The following SCUBE1 variants were observed in gnomAD, a reference collection of about 807,000 sequenced individuals.
SCUBE1 encodes the protein signal peptide, CUB domain and EGF like domain containing 1, also known as signal peptide, CUB and EGF-like domain-containing protein 1.
SCUBE1 carries 59 observed loss-of-function variants against 124.4 expected under a neutral mutation model. The observed-to-expected ratio is 0.47, with a 90% CI of 0.38 to 0.59. SCUBE1 has a LOEUF of 0.59. SCUBE1 is among the 20% of genes least tolerant of loss of function. The pLI, the probability that SCUBE1 is intolerant of heterozygous loss-of-function variation, is 0.00. For missense variants in SCUBE1, 1,150 were observed against 1,371.2 expected, an observed-to-expected ratio of 0.84 and a Z score of 2.55; for synonymous variants, 545 against 550.9, an observed-to-expected ratio of 0.99 and a Z score of 0.15.
At chr22:43,236,671 C>A (rs1430522778) in intron 7 of SCUBE1, among the ~76,000 whole-genome samples, 1 of 152,172 alleles carries the variant, frequency 6.6e-6, no homozygotes, top group Non-Finnish European at 1.5e-5. Context: ...GAAAATGCTT[C>A]CCCTGCCCCC....
intron 6 of SCUBE1, among the ~76,000 whole-genome samples, chr22:43,246,316 C>T (rs1339836479): frequency 7.2e-5 from 11 of 152,122 alleles, no homozygotes; most frequent in Non-Finnish European, 1.5e-4. Flanking sequence ...GCATCATGGC[C>T]GTGCCCCAGG....
chr22:43,209,108 C>T (rs184619455), intron 19 of SCUBE1, among the ~76,000 whole-genome samples: 2 of 152,332 alleles, frequency 1.3e-5, no homozygotes, highest in Admixed American at 1.3e-4. Context: ...GCTGCGTCAG[C>T]CTTGCTGACA....
intron 1 of SCUBE1, among the ~76,000 whole-genome samples, chr22:43,339,696 T>C (rs1408055600): frequency 2.7e-4 from 23 of 85,066 alleles, no homozygotes; most frequent in African/African-American, 9.8e-4. Context: ...CCCACAAGCA[T>C]TGCTCCAACC....
At chr22:43,273,526 T>C (rs1924372066) in intron 4 of SCUBE1, among the ~76,000 whole-genome samples, 1 of 151,572 alleles carries the variant, frequency 6.6e-6, no homozygotes. Flanking sequence ...GAACTTGTTG[T>C]TGCCTAATTT....
intron 4 of SCUBE1, among the ~76,000 whole-genome samples, chr22:43,288,035 G>A (rs546437108): frequency 2.0e-5 from 3 of 152,328 alleles, no homozygotes; most frequent in Non-Finnish European, 4.4e-5. Context: ...GCACCTTGTC[G>A]TTCGAGAGCA....
intron 16 of SCUBE1, chr22:43,213,251 G>C (rs1235846396): frequency 6.6e-6 from 1 of 152,422 alleles, no homozygotes; most frequent in Non-Finnish European, 1.5e-5. Context: ...CCCAAACACG[G>C]AATCTCCTAC....
intron 19 of SCUBE1, among the ~76,000 whole-genome samples, chr22:43,209,727 T>C (rs1215003473): frequency 6.6e-6 from 1 of 152,178 alleles, no homozygotes; most frequent in Non-Finnish European, 1.5e-5. Context: ...CAAGGGGCCC[T>C]GCGGCTGGTC....
chr22:43,282,700 T>C (rs1347593004), intron 4 of SCUBE1: 1 of 132,916 alleles, frequency 7.5e-6, no homozygotes, highest in African/African-American at 3.8e-5. Context: ...TCTTTTTTTT[T>C]TTCTTTTTTT....
chr22:43,209,081 C>A (rs1025484983), intron 19 of SCUBE1, among the ~76,000 whole-genome samples: 1 of 152,212 alleles, frequency 6.6e-6, no homozygotes, highest in African/African-American at 2.4e-5. Context: ...CCGCACACTG[C>A]GGCTTTTGGC....
intron 4 of SCUBE1, among the ~76,000 whole-genome samples, chr22:43,290,318 G>T (rs528794451): frequency 6.6e-6 from 1 of 151,800 alleles, no homozygotes; most frequent in Admixed American, 6.6e-5. Context: ...CATGTGTCCT[G>T]GCTCTCTCCT....
intron 10 of SCUBE1, among the ~76,000 whole-genome samples, chr22:43,225,797 C>T (rs919744213): frequency 6.6e-6 from 1 of 151,992 alleles, no homozygotes. Context: ...ACCTGCTCAC[C>T]ACAGAGCAAT....
In SCUBE1 at chr22:43,200,393, T is replaced by C. The variant is rs978226364; in HGVS notation, c.*3604A>G. 1 of 152,350 alleles carries C rather than the reference T, an allele frequency of 6.6e-6. No individual in the cohort carries two copies. Among genetic ancestry groups the C allele is most frequent in the Non-Finnish European group, 1.5e-5 (1 of 68,114 alleles). The allele number at this position is 152,350 out of a possible 1,614,324, so 9.4% of individuals were successfully genotyped here. ...TCTGCCCCCAGCTTCCATTTTTTCT[T>C]GGGCCTCGTTACGTGGATCCGTCCT... On this transcript the variant is annotated 3_prime_UTR_variant, in exon 22 of 22. Transcript: ENST00000360835.
intron 21 of SCUBE1, among the ~76,000 whole-genome samples, chr22:43,206,888 G>A (rs1227015229): frequency 6.6e-6 from 1 of 152,202 alleles, no homozygotes; most frequent in East Asian, 1.9e-4. Context: ...GCGGCAGCAC[G>A]TGACTGGCAG....
intron 19 of SCUBE1, 82 bp downstream of exon 19, chr22:43,209,961 G>A (rs941078858): frequency 5.6e-5 from 80 of 1,437,126 alleles, no homozygotes; most frequent in Non-Finnish European, 2.6e-5. Flanking sequence ...TGAAGGCAGC[G>A]ATCCCGCCTG....
intron 6 of SCUBE1, among the ~76,000 whole-genome samples, chr22:43,253,346 C>T (rs1569507558): frequency 2.0e-5 from 3 of 152,332 alleles, no homozygotes. Flanking sequence ...CCGGACTGAC[C>T]CTTCTCAGAA....
chr22:43,212,356 G>A (rs1319446210), intron 17 of SCUBE1, 69 bp downstream of exon 17: 4 of 1,485,814 alleles, frequency 2.7e-6, no homozygotes, highest in Non-Finnish European at 3.6e-6. Flanking sequence ...AGGGGTTCGG[G>A]GAAGCCTCTC....
chr22:43,284,457 C>T (rs1282267594), intron 4 of SCUBE1, among the ~76,000 whole-genome samples: 2 of 152,210 alleles, frequency 1.3e-5, no homozygotes, highest in African/African-American at 4.8e-5. Context: ...ACCTCAGGCC[C>T]CGCCTGAGTC....
At chr22:43,331,681 G>A (rs2146796784) in intron 2 of SCUBE1, among the ~76,000 whole-genome samples, 1 of 152,326 alleles carries the variant, frequency 6.6e-6, no homozygotes, top group South Asian at 2.1e-4. Context: ...AAATGTCTAT[G>A]AAAACAAGGC....
intron 15 of SCUBE1, among the ~76,000 whole-genome samples, chr22:43,217,748 C>T (rs1358311395): frequency 1.3e-5 from 2 of 152,134 alleles, no homozygotes; most frequent in Non-Finnish European, 2.9e-5. Flanking sequence ...CGTCCAGGCT[C>T]TCCCCTCCAG....
Sources: gnomAD v4.1 joint callset for allele counts (sites outside exome capture counted in the v4.1 genomes callset) on GRCh38, gnomAD v4.1.1 for gene constraint, MANE v1.5 for transcripts, NCBI Gene and HGNC (gene_info 2026-07-23, HGNC 2026-07-21) for gene names.